The following DPH6 variants were observed in gnomAD, a reference collection of about 807,000 sequenced individuals.
The protein encoded by DPH6 is diphthine--ammonia ligase.
Under a neutral mutation model 38.2 loss-of-function variants are expected in DPH6, and 33 were observed. The ratio of observed to expected loss-of-function variants is 0.86; its 90% CI spans 0.65 to 1.15. The LOEUF (loss-of-function observed/expected upper bound fraction) is 1.15, where lower values mean the gene tolerates loss of function less well. DPH6 is among the 50% of genes most tolerant of loss of function. DPH6 has a pLI of 0.00. For missense variants in DPH6, 325 were observed against 320.0 expected, an observed-to-expected ratio of 1.02 and a Z score of -0.12; for synonymous variants, 108 against 103.0, an observed-to-expected ratio of 1.05 and a Z score of -0.30.
intron 3 of DPH6, among the ~76,000 whole-genome samples, chr15:35,494,311 T>C (rs1430849259): frequency 6.6e-6 from 1 of 152,174 alleles, no homozygotes; most frequent in Non-Finnish European, 1.5e-5. Flanking sequence ...AATAACACTT[T>C]GTATAATCCA....
At chr15:35,250,969 A>C (rs1288530591) in intron 3 of DPH6, among the ~76,000 whole-genome samples, 2 of 152,198 alleles carry the variant, frequency 1.3e-5, no homozygotes, top group African/African-American at 4.8e-5. Context: ...TAGTTTTCAT[A>C]AGTCGTGCCA....
chr15:35,289,221 C>T (rs548621650), intron 3 of DPH6, among the ~76,000 whole-genome samples: 2 of 152,248 alleles, frequency 1.3e-5, no homozygotes, highest in Non-Finnish European at 2.9e-5. Context: ...CAGAAGGTGG[C>T]AGTATTACTA....
chr15:35,179,528 A>G, the DPH6 span, among the ~76,000 whole-genome samples: 1 of 152,234 alleles, frequency 6.6e-6, no homozygotes, highest in East Asian at 1.9e-4. Context: ...AAGGAAAAAT[A>G]AAACATTATG....
intron 3 of DPH6, among the ~76,000 whole-genome samples, chr15:35,314,659 T>C (rs1197941886): frequency 6.6e-6 from 1 of 152,112 alleles, no homozygotes; most frequent in East Asian, 1.9e-4. Flanking sequence ...ACACGAGAAG[T>C]TGCCAAAGAA....
At chr15:35,334,261 T>C (rs1173141897) in intron 3 of DPH6, among the ~76,000 whole-genome samples, 2 of 152,186 alleles carry the variant, frequency 1.3e-5, no homozygotes, top group Non-Finnish European at 2.9e-5. Context: ...TCTAATACCC[T>C]TGAATTTCTA....
intron 3 of DPH6, among the ~76,000 whole-genome samples, chr15:35,290,798 T>C (rs2051975046): frequency 1.3e-5 from 2 of 152,158 alleles, no homozygotes; most frequent in Non-Finnish European, 2.9e-5. Flanking sequence ...CACTTTTGGT[T>C]TGTGTGATAC....
intron 5 of DPH6, among the ~76,000 whole-genome samples, chr15:35,416,941 T>G (rs1270745747): frequency 2.0e-5 from 3 of 151,984 alleles, no homozygotes; most frequent in Non-Finnish European, 4.4e-5. Context: ...CCGGGTGATA[T>G]TAGGGATGTT....
chr15:35,284,917 A>T (rs2051930348), intron 3 of DPH6, among the ~76,000 whole-genome samples: 1 of 149,658 alleles, frequency 6.7e-6, no homozygotes, highest in African/African-American at 2.5e-5. Context: ...GGCTCAAGCA[A>T]TCCTCCTGCC....
intron 3 of DPH6, among the ~76,000 whole-genome samples, chr15:35,236,806 T>C (rs2051555565): frequency 1.3e-5 from 2 of 152,166 alleles, no homozygotes; most frequent in South Asian, 4.1e-4. Context: ...GTAAGAATAA[T>C]TGCTTTAATT....
At chr15:35,183,066 T>C in the DPH6 span, among the ~76,000 whole-genome samples, 1 of 152,234 alleles carries the variant, frequency 6.6e-6, no homozygotes, top group Non-Finnish European at 1.5e-5. Flanking sequence ...GCCCTTGAAT[T>C]GATATTAAGT....
the DPH6 span, among the ~76,000 whole-genome samples, chr15:35,161,848 T>C: frequency 1.3e-5 from 2 of 151,954 alleles, no homozygotes; most frequent in African/African-American, 4.8e-5. Context: ...AATAAATTTC[T>C]GTTGTTTAAG....
the DPH6 span, among the ~76,000 whole-genome samples, chr15:35,201,398 C>G: frequency 4.6e-5 from 7 of 151,758 alleles, no homozygotes; most frequent in African/African-American, 7.2e-5. Context: ...AGTGCAAGAA[C>G]ACATTTTCAT....
At chr15:35,433,946 A>T (rs576449080) in intron 5 of DPH6, among the ~76,000 whole-genome samples, 1 of 152,298 alleles carries the variant, frequency 6.6e-6, no homozygotes, top group South Asian at 2.1e-4. Flanking sequence ...AAGAGAAGGG[A>T]GGTAGAGATA....
intron 3 of DPH6, chr15:35,298,941 A>C (rs1595466730): frequency 1.3e-6 from 1 of 791,244 alleles, no homozygotes; most frequent in Non-Finnish European, 2.3e-6. Flanking sequence ...AGCTCCGCCC[A>C]TACTTGTTTT....
At chr15:35,406,438 G>C (rs1226343482) in intron 6 of DPH6, among the ~76,000 whole-genome samples, 1 of 151,964 alleles carries the variant, frequency 6.6e-6, no homozygotes, top group Non-Finnish European at 1.5e-5. Context: ...GATATGATTA[G>C]CTTTGCATTT....
chr15:35,462,024 T>C (rs115655229), intron 3 of DPH6, among the ~76,000 whole-genome samples: 2 of 152,160 alleles, frequency 1.3e-5, no homozygotes, highest in African/African-American at 2.4e-5. Context: ...TGGCACAACA[T>C]GTATATTGTT....
downstream of DPH6, among the ~76,000 whole-genome samples, chr15:35,328,391 A>T (rs1315349217): frequency 6.6e-6 from 1 of 152,024 alleles, no homozygotes; most frequent in Admixed American, 6.6e-5. Context: ...TACTTTGTAT[A>T]ATTACATGTA....
chr15:35,530,531 ACT>A (rs1471300012), intron 3 of DPH6, among the ~76,000 whole-genome samples: 2 of 152,182 alleles, frequency 1.3e-5, no homozygotes, highest in Non-Finnish European at 2.9e-5. Context: ...AGAGGCACTG[ACT>A]CTGGGAAAAG....
At chr15:35,243,871 A>G (rs2051617849) in intron 3 of DPH6, among the ~76,000 whole-genome samples, 1 of 152,232 alleles carries the variant, frequency 6.6e-6, no homozygotes, top group African/African-American at 2.4e-5. Context: ...AATTATTTAT[A>G]CACAAATTTT....
Sources: allele counts gnomAD v4.1 joint callset (sites outside exome capture counted in the v4.1 genomes callset), GRCh38; gene constraint gnomAD v4.1.1; transcripts MANE v1.5; gene names NCBI Gene and HGNC (gene_info 2026-07-23, HGNC 2026-07-21).